FAM81A: variants seen among roughly 807,000 people sequenced by gnomAD.
FAM81A encodes protein FAM81A.
Under a neutral mutation model 46.7 loss-of-function variants are expected in FAM81A, and 19 were observed. The observed-to-expected ratio is 0.41, with a 90% CI of 0.28 to 0.60. The LOEUF (loss-of-function observed/expected upper bound fraction) is 0.60, where lower values mean the gene tolerates loss of function less well. Among genes scored for constraint, FAM81A ranks in the 20% least tolerant of loss-of-function variants. The pLI, the probability that FAM81A is intolerant of heterozygous loss-of-function variation, is 0.34. For synonymous variants in FAM81A, 183 were observed against 152.9 expected (o/e 1.20, Z -1.45); for missense variants, 377 against 453.5 (o/e 0.83, Z 1.53).
Position 59,460,983 on chromosome 15 carries a change from T to C in FAM81A, c.294+777T>C, listed in dbSNP as rs1242549246. Among the ~76,000 whole-genome samples, 3 of 152,204 alleles carry C rather than the reference T, an allele frequency of 2.0e-5. No homozygotes were observed. The highest frequency in any genetic ancestry group is 7.2e-5 in the African/African-American group (3 of 41,456). On this transcript the variant is annotated intron_variant, in intron 3 of 8. Transcript: ENST00000288228. The surrounding 1 kb of genome is among the most constrained non-coding windows in gnomAD (Gnocchi z 4.4). ...TAAACCTCATTTCTTTTTTTTCCAT[T>C]GTCAGATTTGTATGTATGTATTTAT...
intron 2 of FAM81A, among the ~76,000 whole-genome samples, chr15:59,406,694 A>G (rs2081096229): frequency 6.6e-6 from 1 of 152,120 alleles, no homozygotes; most frequent in African/African-American, 2.4e-5. Context: ...CCGCTGATCT[A>G]CTTTCTGTCT....
chr15:59,513,285 A>G (rs1251629302), intron 6 of FAM81A, among the ~76,000 whole-genome samples: 2 of 152,136 alleles, frequency 1.3e-5, no homozygotes, highest in Non-Finnish European at 2.9e-5. Context: ...GGAACGTTAG[A>G]GAGAAAGGGA....
rs368096115 is a variant in FAM81A at position 59,492,092 on chromosome 15, GTC to G, written c.295-171_295-170del. 3.3e-5 allele frequency among the ~76,000 whole-genome samples: 5 copies of G among 152,314 alleles called. No individual in the cohort carries two copies. In the East Asian group the frequency reaches 7.7e-4, roughly 24 times the overall value. ...ACTTGCTCTGGGAGGAGCCTCTAAG[GTC>G]TCTCTCTGTCTAGGCCCCCTAGTTC... On this transcript the variant is annotated intron_variant, in intron 3 of 8. Transcript: ENST00000288228.
intron 4 of FAM81A, among the ~76,000 whole-genome samples, chr15:59,500,186 C>T (rs1242802591): frequency 6.6e-6 from 1 of 151,820 alleles, no homozygotes; most frequent in African/African-American, 2.4e-5. Flanking sequence ...TTGGTGTTTG[C>T]CCTACTTGGA....
chr15:59,431,100 T>C (rs2081217912), intron 2 of FAM81A, among the ~76,000 whole-genome samples: 1 of 152,222 alleles, frequency 6.6e-6, no homozygotes, highest in Non-Finnish European at 1.5e-5. Flanking sequence ...CACTATGTTA[T>C]CTTCATTTTA....
intron 2 of FAM81A, among the ~76,000 whole-genome samples, chr15:59,421,713 A>ATCTGTCTG (rs563133863): frequency 1.7e-3 from 168 of 100,530 alleles, no homozygotes; most frequent in East Asian, 4.7e-3. Context: ...TAAACTATCT[A>ATCTGTCTG]TCTGTCTGTC....
intron 1 of FAM81A, among the ~76,000 whole-genome samples, chr15:59,453,695 G>C (rs77048790): frequency 0.16 from 24,413 of 151,682 alleles, 2,155 homozygotes; most frequent in Middle Eastern, 0.22. Context: ...TTAAGAGAAA[G>C]GGCAAAGGAA....
chr15:59,483,248 A>T (rs2081876692), intron 3 of FAM81A, among the ~76,000 whole-genome samples: 1 of 152,194 alleles, frequency 6.6e-6, no homozygotes, highest in Admixed American at 6.5e-5. Context: ...CATTTTGGCC[A>T]GGCTGGTCTC....
rs758697780 is a variant in FAM81A at position 59,492,408 on chromosome 15, G to C, written c.413+19G>C. 7.5e-6 allele frequency: 12 copies of C among 1,594,850 alleles called. No individual in the cohort carries two copies. The highest frequency in any genetic ancestry group is 3.4e-5 in the Admixed American group (2 of 58,726). On this transcript the variant is annotated intron_variant, in intron 4 of 8. Transcript: ENST00000288228. ...TGGCAAGGTAGGTGTTCAAATGTTG[G>C]GGTCTCTGCTCATCAAAAACCATTT... is the stretch of plus-strand genomic sequence containing the variant.
In FAM81A at chr15:59,421,174, C is replaced by T. The variant is rs183930791; in HGVS notation, c.-78+18816C>T. ...AGACCCAGGTTGGGACCCTTGAACT[C>T]TGCATTCCTAACAGTAGAGGGGCTC... On this transcript the variant is annotated intron_variant, in intron 2 of 4. Coordinates refer to the FAM81A transcript ENST00000558348. Among the ~76,000 whole-genome samples, 511 of 152,328 alleles carry T rather than the reference C, an allele frequency of 3.4e-3. 4 individuals carry two copies. Among genetic ancestry groups the T allele is most frequent in the African/African-American group, 0.012 (497 of 41,578 alleles).
intron 2 of FAM81A, among the ~76,000 whole-genome samples, chr15:59,416,026 GTT>G (rs2081145208): frequency 6.6e-6 from 1 of 152,182 alleles, no homozygotes; most frequent in African/African-American, 2.4e-5. Context: ...AAACAAATCT[GTT>G]TATATGTTTA....
intron 2 of FAM81A, among the ~76,000 whole-genome samples, chr15:59,417,650 G>A (rs1451401251): frequency 6.6e-6 from 1 of 152,134 alleles, no homozygotes. Flanking sequence ...GGGAGGCAGA[G>A]GTTTCAGTGA....
intron 1 of FAM81A, chr15:59,446,498 T>C (rs1338304754): frequency 1.3e-5 from 2 of 152,242 alleles, no homozygotes; most frequent in Non-Finnish European, 2.9e-5. Context: ...TCAAATGTTG[T>C]AAGCATTCTA....
At chr15:59,416,710 G>A (rs923325815) in intron 2 of FAM81A, among the ~76,000 whole-genome samples, 2 of 152,064 alleles carry the variant, frequency 1.3e-5, no homozygotes, top group Non-Finnish European at 2.9e-5. Context: ...ATCATGTGCC[G>A]GGCACTGTGC....
At chr15:59,404,534 C>A (rs1411178554) in intron 2 of FAM81A, among the ~76,000 whole-genome samples, 1 of 152,200 alleles carries the variant, frequency 6.6e-6, no homozygotes, top group African/African-American at 2.4e-5. Context: ...GACCATAGCT[C>A]ACTGTAGCCT....
chr15:59,466,741 T>C (rs1257576596), intron 3 of FAM81A, among the ~76,000 whole-genome samples: 2 of 152,228 alleles, frequency 1.3e-5, no homozygotes, highest in Non-Finnish European at 2.9e-5. Context: ...TTGGCTTTTA[T>C]TGCCATTGCT....
At chr15:59,509,005 A>G (rs2082177566) in intron 6 of FAM81A, 36 bp downstream of exon 6, 1 of 1,529,342 alleles carries the variant, frequency 6.5e-7, no homozygotes, top group Non-Finnish European at 8.9e-7. Flanking sequence ...TAAAACTTAA[A>G]GTTCTTTATG....
At position 59,521,555 on chromosome 15, in the gene FAM81A, T is replaced by A; in HGVS notation, c.*177T>A. The A allele has an allele frequency of 1.7e-6, 1 of 605,932 alleles. No homozygotes were observed. The allele number at this position is 605,932 out of a possible 1,614,324, so 37.5% of individuals were successfully genotyped here. A position where few individuals can be genotyped will look rare whatever the true frequency, so the allele number is the denominator to read the frequency against. ...TTGAGTCTTGAAAATACTCTTTTGTTAAAAGTATGAAATACAGTTTTTACC... is the reference window on the plus strand; with the variant it reads ...TTGAGTCTTGAAAATACTCTTTTGTAAAAAGTATGAAATACAGTTTTTACC... On this transcript the variant is annotated 3_prime_UTR_variant, in exon 9 of 9. Transcript: ENST00000288228.
chr15:59,509,000 C>A (rs2082177475), intron 6 of FAM81A, 31 bp downstream of exon 6: 2 of 1,542,466 alleles, frequency 1.3e-6, no homozygotes, highest in Non-Finnish European at 1.8e-6. Flanking sequence ...AAAAATAAAA[C>A]TTAAAGTTCT....
Sources: allele counts gnomAD v4.1 joint callset (sites outside exome capture counted in the v4.1 genomes callset), GRCh38; gene constraint gnomAD v4.1.1; non-coding constraint Gnocchi (gnomAD v3.1); transcripts MANE v1.5; gene names NCBI Gene and HGNC (gene_info 2026-07-23, HGNC 2026-07-21).